TK2: variants seen among roughly 807,000 people sequenced by gnomAD.
TK2 encodes thymidine kinase 2.
Under a neutral mutation model 41.9 loss-of-function variants are expected in TK2, and 35 were observed. The ratio of observed to expected loss-of-function variants is 0.84; its 90% CI spans 0.64 to 1.11. The LOEUF (loss-of-function observed/expected upper bound fraction) is 1.11. TK2 is among the 50% of genes least tolerant of loss of function. The pLI is 0.00. For synonymous variants in TK2, 128 were observed against 129.1 expected, an observed-to-expected ratio of 0.99 and a Z score of 0.06; for missense variants, 320 against 351.1, an observed-to-expected ratio of 0.91 and a Z score of 0.71.
chr16:66,513,681 C>A (rs369722281), intron 9 of TK2, 50 bp downstream of exon 9: 3 of 1,559,764 alleles, frequency 1.9e-6, no homozygotes, highest in South Asian at 1.1e-5. Flanking sequence ...TTCCCCGGGT[C>A]ACTCCTCTTT....
rs572109107 is a variant in TK2 at position 66,549,757 on chromosome 16, C to A, written c.124+181G>T. The A allele has an allele frequency of 6.3e-6, 8 of 1,278,794 alleles. No homozygotes were observed. In the African/African-American group the frequency reaches 7.8e-5, roughly 12 times the overall value. 79.2% of individuals were successfully genotyped at this position (1,278,794 alleles called of 1,614,324 possible). On this transcript the variant is annotated intron_variant, in intron 1 of 9. Coordinates refer to ENST00000544898, the MANE Select transcript of TK2 (RefSeq NM_004614.5). ...GAACCAAAGCCGAGCGCCCCCAGCG[C>A]TCGCTGCGGTCTCGCGCCCGGGTAA...
rs1436366075 is a variant in TK2 at position 66,508,225 on chromosome 16, A to G, written c.*3743T>C. On this transcript the variant is annotated 3_prime_UTR_variant, in exon 10 of 10. Coordinates refer to ENST00000544898, the MANE Select transcript of TK2 (RefSeq NM_004614.5). ...CAATACCCATTCTGGATTCCACGAC[A>G]TAGGCTTTCTCTTAGCTTCTGTTTA... 6.6e-6 allele frequency: 1 copy of G among 152,236 alleles called. No individual in the cohort carries two copies. The highest frequency in any genetic ancestry group is 1.5e-5 in the Non-Finnish European group (1 of 68,034). The allele number at this position is 152,236 out of a possible 1,614,324, so 9.4% of individuals were successfully genotyped here.
chr16:66,541,243 A>G (rs1241913887), intron 3 of TK2, among the ~76,000 whole-genome samples: 2 of 152,174 alleles, frequency 1.3e-5, no homozygotes, highest in African/African-American at 4.8e-5. Context: ...TCTGAAATCT[A>G]AAACACTTCT....
At chr16:66,528,666 A>G (rs1377943200) in intron 6 of TK2, among the ~76,000 whole-genome samples, 1 of 152,234 alleles carries the variant, frequency 6.6e-6, no homozygotes, top group East Asian at 1.9e-4. Context: ...TGGTCCCAGA[A>G]GGAGAGTGAC....
In TK2 at chr16:66,550,002, T is replaced by G. The variant is rs1352325089; in HGVS notation, c.60A>C (p.Gly20=). The G allele has an allele frequency of 1.3e-6, 2 of 1,530,612 alleles. No individual in the cohort carries two copies. The highest frequency in any genetic ancestry group is 1.8e-6 in the Non-Finnish European group (2 of 1,142,178). The allele number at this position is 1,530,612 out of a possible 1,614,324, so 94.8% of individuals were successfully genotyped here. ...AARALRCFGP[G]SRGSPASGPG... Reference sequence around the variant, plus strand: ...GGCCTGAGGCCGGGCTCCCGCGACTTCCCGGCCCAAAGCAGCGCAGCGCCC... The same window carrying G: ...GGCCTGAGGCCGGGCTCCCGCGACTGCCCGGCCCAAAGCAGCGCAGCGCCC... The change falls in exon 1 of 10, where the codon GGA becomes GGC. Residue 20 remains glycine (G), a synonymous_variant. Coordinates refer to ENST00000544898, the MANE Select transcript of TK2 (RefSeq NM_004614.5).
chr16:66,521,498 C>T (rs1243247150), intron 6 of TK2, among the ~76,000 whole-genome samples: 1 of 152,218 alleles, frequency 6.6e-6, no homozygotes, highest in African/African-American at 2.4e-5. Context: ...GTCAGTAGGC[C>T]AGACCTATTG....
chr16:66,513,360 CCAAA>C (rs755982975), intron 9 of TK2, among the ~76,000 whole-genome samples: 23 of 152,292 alleles, frequency 1.5e-4, no homozygotes, highest in African/African-American at 3.1e-4. Context: ...ACCTGAGTCA[CCAAA>C]CAAAGGTGAA....
intron 3 of TK2, among the ~76,000 whole-genome samples, chr16:66,537,597 A>G (rs1965326650): frequency 1.3e-5 from 2 of 152,200 alleles, no homozygotes; most frequent in Admixed American, 6.5e-5. Flanking sequence ...AATCTCTCCA[A>G]CATCCTGTGT....
intron 1 of TK2, 190 bp downstream of exon 1, chr16:66,549,747 GC>G: frequency 7.8e-7 from 1 of 1,277,054 alleles, no homozygotes. Flanking sequence ...AAAGCCGAGC[GC>G]CCCCAGCGCT....
At position 66,517,678 on chromosome 16, in the gene TK2, C is replaced by T. The variant is rs1363255431; in HGVS notation, c.538+111G>A. The T allele has an allele frequency of 1.0e-5, 10 of 993,600 alleles. No individual in the cohort carries two copies. In the Admixed American group the frequency reaches 1.6e-4, roughly 15 times the overall value. The allele number at this position is 993,600 out of a possible 1,614,324, so 61.5% of individuals were successfully genotyped here. On this transcript the variant is annotated intron_variant, in intron 7 of 9. Transcript: ENST00000544898. This position sits in a 1 kb window ranked among gnomAD's most constrained non-coding sequence, Gnocchi z 4.3. ...CTGAACTCCCATGGGGAAGGAACTG[C>T]CAAGGGCAAGTGCCTCACCCACTGC... is the stretch of plus-strand genomic sequence containing the variant.
intron 8 of TK2, among the ~76,000 whole-genome samples, chr16:66,515,495 G>A (rs1964585279): frequency 6.6e-6 from 1 of 152,268 alleles, no homozygotes; most frequent in Admixed American, 6.5e-5. Flanking sequence ...TGCTCTCCCA[G>A]GCACAGAGTG....
intron 3 of TK2, among the ~76,000 whole-genome samples, chr16:66,541,489 G>C (rs1346693339): frequency 6.6e-6 from 1 of 152,094 alleles, no homozygotes; most frequent in Non-Finnish European, 1.5e-5. Flanking sequence ...GCAATGGCGT[G>C]ATCTCAGCTC....
intron 6 of TK2, among the ~76,000 whole-genome samples, chr16:66,524,605 T>C (rs544905837): frequency 4.6e-5 from 7 of 152,314 alleles, no homozygotes; most frequent in Admixed American, 2.6e-4. Context: ...CCCAAAGTGC[T>C]GGGATTACAA....
Position 66,517,083 on chromosome 16 carries a change from G to T in TK2, c.618+53C>A. ...TGGGGCCGGGAGAGGAAGCCGGGTTGGACAGAGGTGGTTTCCCAGTTTGTC... is the reference window on the plus strand; with the variant it reads ...TGGGGCCGGGAGAGGAAGCCGGGTTTGACAGAGGTGGTTTCCCAGTTTGTC... On this transcript the variant is annotated intron_variant, in intron 8 of 9. Transcript: ENST00000544898. The surrounding 1 kb of genome is among the most constrained non-coding windows in gnomAD (Gnocchi z 4.3). 6.6e-7 allele frequency: 1 copy of T among 1,522,988 alleles called. No homozygotes were observed. The highest frequency in any genetic ancestry group is 9.1e-7 in the Non-Finnish European group (1 of 1,097,160). 94.3% of individuals were successfully genotyped at this position (1,522,988 alleles called of 1,614,324 possible).
chr16:66,515,844 T>C lies in TK2; in HGVS notation c.618+1292A>G, dbSNP rs554678569. On this transcript the variant is annotated intron_variant, in intron 8 of 9. Transcript: ENST00000544898. ...GGGCCCTCGTGGCAGGAATGCATCG[T>C]GCTGGCACCAAGGAAAAACAAGGCT... 1.1e-4 allele frequency among the ~76,000 whole-genome samples: 16 copies of C among 152,324 alleles called. No individual in the cohort carries two copies. The East Asian group carries it at 2.9e-3, about 28-fold the overall frequency.
rs1397375184 is a variant in TK2, at chr16:66,531,410, G to A, written c.345C>T (p.Leu115=). 1 of 1,614,230 alleles carries A rather than the reference G, an allele frequency of 6.2e-7. No homozygotes were observed. The highest frequency in any genetic ancestry group is 1.3e-5 in the African/African-American group (1 of 75,058). The stretch of plus-strand genomic sequence containing the variant: ...GACGAGTATGCCTGTCCAGCATGGT[G>A]AGCTGCACATAAGTCTGTAGCGTAA... The part of the protein sequence containing the change: ...WGLTLQTYVQ[L]TMLDRHTRPQ... Residue 115 remains leucine, a synonymous_variant, in exon 5 of 10, where the codon CTC becomes CTT. Coordinates refer to ENST00000544898, the MANE Select transcript of TK2 (RefSeq NM_004614.5).
Position 66,529,051 on chromosome 16 carries a change from A to T in TK2, c.392T>A (p.Leu131Ter), listed in dbSNP as rs1965025137. The T allele has an allele frequency of 1.2e-6, 2 of 1,614,010 alleles. No homozygotes were observed. The highest frequency in any genetic ancestry group is 1.7e-6 in the Non-Finnish European group (2 of 1,180,042). Residue 131 changes from leucine (L) to a stop codon, truncating the protein, a stop_gained, in exon 6 of 10, where the codon TTG becomes TAG. Coordinates refer to ENST00000544898, the MANE Select transcript of TK2 (RefSeq NM_004614.5). LOFTEE classifies it high-confidence loss of function. ...TGCGCTGTGAATCGACCTCTCCATC[A>T]ACCGTACAGATGACACCTAAAGGAA... ...HTRPQVSSVR[L>*]MERSIHSARY...
intron 3 of TK2, among the ~76,000 whole-genome samples, chr16:66,539,593 T>G (rs1255679191): frequency 9.4e-6 from 1 of 105,824 alleles, no homozygotes; most frequent in Non-Finnish European, 1.7e-5. Context: ...AGAGCAAGAC[T>G]CCATCTCAGA....
chr16:66,540,934 T>C (rs1225057040), intron 3 of TK2, among the ~76,000 whole-genome samples: 3 of 152,270 alleles, frequency 2.0e-5, no homozygotes, highest in Non-Finnish European at 4.4e-5. Context: ...AGATATGCTA[T>C]AAGTTACACT....
Sources: allele counts gnomAD v4.1 joint callset (sites outside exome capture counted in the v4.1 genomes callset), GRCh38; gene constraint gnomAD v4.1.1; non-coding constraint Gnocchi (gnomAD v3.1); transcripts MANE v1.5; gene names NCBI Gene and HGNC (gene_info 2026-07-23, HGNC 2026-07-21).